Variants in UNC5C observed in about 807,000 individuals in gnomAD.
UNC5C encodes the protein unc-5 netrin receptor C.
A neutral mutation model predicts 99.8 loss-of-function variants in UNC5C; 47 were observed. That is an observed-to-expected ratio of 0.47 (90% confidence interval 0.37 to 0.60). The LOEUF (loss-of-function observed/expected upper bound fraction) is 0.60, where lower values mean the gene tolerates loss of function less well. UNC5C is among the 20% of genes least tolerant of loss of function. UNC5C has a pLI of 0.00. For missense variants in UNC5C, 1,062 were observed against 1,165.9 expected (o/e 0.91, Z 1.30); for synonymous variants, 487 against 452.2 (o/e 1.08, Z -0.98).
chr4:95,264,343 T>C (rs1453768795), intron 4 of UNC5C, among the ~76,000 whole-genome samples: 1 of 152,162 alleles, frequency 6.6e-6, no homozygotes, highest in African/African-American at 2.4e-5. Flanking sequence ...AGAAATTCAC[T>C]CACTGGTAAC....
intron 3 of UNC5C, among the ~76,000 whole-genome samples, chr4:95,285,172 T>G (rs1358295985): frequency 6.6e-6 from 1 of 152,248 alleles, no homozygotes; most frequent in Non-Finnish European, 1.5e-5. Flanking sequence ...AAAGATTTAT[T>G]TATTAGAATA....
At chr4:95,319,951 T>C (rs1742620004) in intron 2 of UNC5C, among the ~76,000 whole-genome samples, 1 of 152,194 alleles carries the variant, frequency 6.6e-6, no homozygotes, top group Non-Finnish European at 1.5e-5. Flanking sequence ...ACCAGTTTAC[T>C]TATATTTAGC....
chr4:95,541,950 G>T (rs1722931702), intron 1 of UNC5C, among the ~76,000 whole-genome samples: 1 of 152,116 alleles, frequency 6.6e-6, no homozygotes, highest in Non-Finnish European at 1.5e-5. Context: ...TGCTGAGGGA[G>T]TTTCTGTTGT....
At chr4:95,447,043 C>G (rs1210427331) in intron 1 of UNC5C, among the ~76,000 whole-genome samples, 1 of 152,100 alleles carries the variant, frequency 6.6e-6, no homozygotes, top group African/African-American at 2.4e-5. Flanking sequence ...TATTCATATT[C>G]ATAATACTTG....
At chr4:95,514,857 A>G (rs1722173259) in intron 1 of UNC5C, among the ~76,000 whole-genome samples, 1 of 151,648 alleles carries the variant, frequency 6.6e-6, no homozygotes. Flanking sequence ...TATTTTTGGT[A>G]GAGACGGGGT....
chr4:95,373,490 C>G (rs1744804176), intron 1 of UNC5C, among the ~76,000 whole-genome samples: 1 of 152,178 alleles, frequency 6.6e-6, no homozygotes, highest in Admixed American at 6.6e-5. Flanking sequence ...TGTGATCCGT[C>G]TCCTTACGCA....
At chr4:95,194,911 T>C (rs1737316519) in intron 12 of UNC5C, among the ~76,000 whole-genome samples, 1 of 152,132 alleles carries the variant, frequency 6.6e-6, no homozygotes, top group Admixed American at 6.5e-5. Context: ...ATTTCTAAGA[T>C]AGGTGATAGA....
intron 1 of UNC5C, among the ~76,000 whole-genome samples, chr4:95,512,337 T>G (rs534986028): frequency 1.5e-4 from 23 of 152,324 alleles, no homozygotes; most frequent in African/African-American, 5.3e-4. Flanking sequence ...CAATTATTCT[T>G]AGGCTTACAG....
At chr4:95,278,415 T>C in intron 3 of UNC5C, 53 bp from the exon 4 acceptor site, 1 of 1,474,938 alleles carries the variant, frequency 6.8e-7, no homozygotes, top group Non-Finnish European at 9.4e-7. Context: ...CATTTTCTCA[T>C]TTACAGAGAG....
intron 1 of UNC5C, 40 bp from the exon 2 acceptor site, chr4:95,335,671 G>GT (rs755250953): frequency 1.1e-4 from 168 of 1,507,418 alleles, no homozygotes; most frequent in Non-Finnish European, 1.5e-4. Context: ...TTAACACATT[G>GT]TAACAACTTG....
intron 1 of UNC5C, among the ~76,000 whole-genome samples, chr4:95,515,045 A>G (rs1722177786): frequency 6.6e-6 from 1 of 152,156 alleles, no homozygotes; most frequent in South Asian, 2.1e-4. Context: ...GATCTTAAAT[A>G]TATCTAATTT....
chr4:95,388,736 C>G lies in UNC5C; in HGVS notation c.125-53105G>C, dbSNP rs1345543976. On this transcript the variant is annotated intron_variant, in intron 1 of 15. Transcript: ENST00000453304. ...CTCCAATAACTTCATTGAGTAGGTCCTAATCTTATCTCCATTCTAGAATGA... is the reference window on the plus strand; with the variant it reads ...CTCCAATAACTTCATTGAGTAGGTCGTAATCTTATCTCCATTCTAGAATGA... Among the ~76,000 whole-genome samples the G allele has an allele frequency of 8.5e-5, 13 of 152,084 alleles. 1 individual carries two copies. Among genetic ancestry groups the G allele is most frequent in the African/African-American group, 2.4e-5 (1 of 41,428 alleles).
At position 95,170,210 on chromosome 4, in the gene UNC5C, G is replaced by A. The variant is rs759304877; in HGVS notation, c.2574C>T (p.Ala858=). 2.5e-6 allele frequency: 4 copies of A among 1,614,152 alleles called. No individual in the cohort carries two copies. The highest frequency in any genetic ancestry group is 2.2e-5 in the East Asian group (1 of 44,862). ...IRQKLCSSLD[A]PQTRGHDWRM... ...TCCAGTCATGGCCTCTCGTCTGGGG[G>A]GCATCCAGGCTGCTACAGAGCTTCT... The change falls in exon 15 of 16, where the codon GCC becomes GCT. Residue 858 remains alanine (A), a synonymous_variant. Transcript: ENST00000453304.
intron 9 of UNC5C, among the ~76,000 whole-genome samples, chr4:95,216,552 T>G (rs1738259746): frequency 6.6e-6 from 1 of 152,102 alleles, no homozygotes; most frequent in African/African-American, 2.4e-5. Flanking sequence ...TCCATTTTTT[T>G]TTAAAATCCC....
Position 95,167,468 on chromosome 4 carries a change from G to T in UNC5C, c.*1766C>A, listed in dbSNP as rs920068240. ...TTTTATAAATGCTACTGAATATTAT[G>T]ACAGCAAAGAAAGATTAAGGGTGGG... is the stretch of plus-strand genomic sequence containing the variant. On this transcript the variant is annotated 3_prime_UTR_variant, in exon 16 of 16. Coordinates refer to ENST00000453304, the MANE Select transcript of UNC5C (RefSeq NM_003728.4). The T allele has an allele frequency of 6.6e-6, 1 of 152,124 alleles. No individual in the cohort carries two copies. Among genetic ancestry groups the T allele is most frequent in the Non-Finnish European group, 1.5e-5 (1 of 68,028 alleles). The allele number at this position is 152,124 out of a possible 1,614,324, so 9.4% of individuals were successfully genotyped here.
intron 4 of UNC5C, among the ~76,000 whole-genome samples, chr4:95,253,972 G>C (rs1020353898): frequency 6.6e-6 from 1 of 152,112 alleles, no homozygotes; most frequent in Non-Finnish European, 1.5e-5. Context: ...TCATACTAAA[G>C]TCTAGGTCTT....
chr4:95,190,916 T>C (rs1036896031), intron 12 of UNC5C, among the ~76,000 whole-genome samples: 3 of 152,140 alleles, frequency 2.0e-5, no homozygotes, highest in Non-Finnish European at 2.9e-5. Context: ...GACAAGAGAT[T>C]CCACAGTAGA....
At chr4:95,301,829 C>G in intron 2 of UNC5C, 80 bp from the exon 3 acceptor site, 2 of 1,507,576 alleles carry the variant, frequency 1.3e-6, no homozygotes, top group Admixed American at 4.0e-5. Context: ...ATATTTTTCC[C>G]CCAGTCATCC....
chr4:95,278,423 G>C, intron 3 of UNC5C, 61 bp from the exon 4 acceptor site: 1 of 1,408,258 alleles, frequency 7.1e-7, no homozygotes, highest in Admixed American at 1.8e-5. Context: ...CATTTACAGA[G>C]AGTACAAAAA....
Sources: allele counts gnomAD v4.1 joint callset (sites outside exome capture counted in the v4.1 genomes callset), GRCh38; gene constraint gnomAD v4.1.1; transcripts MANE v1.5; gene names NCBI Gene and HGNC (gene_info 2026-07-23, HGNC 2026-07-21).